Variants in CDH12 observed in about 807,000 individuals in gnomAD.
CDH12 encodes cadherin 12.
Under a neutral mutation model 74.1 loss-of-function variants are expected in CDH12, and 41 were observed. The ratio of observed to expected loss-of-function variants is 0.55; its 90% confidence interval spans 0.43 to 0.72. CDH12 has a LOEUF of 0.72. Among genes scored for constraint, CDH12 ranks in the 30% least tolerant of loss-of-function variants. The pLI, the probability that CDH12 is intolerant of heterozygous loss-of-function variation, is 0.00. For synonymous variants in CDH12, 399 were observed against 355.0 expected (o/e 1.12, Z -1.39); for missense variants, 945 against 977.2 (o/e 0.97, Z 0.44).
intron 5 of CDH12, among the ~76,000 whole-genome samples, chr5:22,074,523 G>T (rs1742172158): frequency 6.6e-6 from 1 of 152,128 alleles, no homozygotes; most frequent in Non-Finnish European, 1.5e-5. Context: ...AGAGTGAACA[G>T]ACAACCTACA....
At chr5:22,363,764 T>C (rs1382115214) in intron 3 of CDH12, among the ~76,000 whole-genome samples, 1 of 152,160 alleles carries the variant, frequency 6.6e-6, no homozygotes, top group Non-Finnish European at 1.5e-5. Flanking sequence ...GACATGATGT[T>C]GTGTCAGACA....
intron 8 of CDH12, among the ~76,000 whole-genome samples, chr5:21,825,836 T>G (rs1478303680): frequency 2.0e-5 from 3 of 152,186 alleles, no homozygotes; most frequent in Non-Finnish European, 4.4e-5. Flanking sequence ...TCCTCCCACC[T>G]TGCAGCTCTC....
intron 5 of CDH12, among the ~76,000 whole-genome samples, chr5:22,029,625 G>C (rs1738667220): frequency 6.6e-6 from 1 of 152,210 alleles, no homozygotes; most frequent in African/African-American, 2.4e-5. Context: ...AGGTGATAGA[G>C]ATGATGTGGA....
intron 5 of CDH12, among the ~76,000 whole-genome samples, chr5:22,046,581 T>G (rs1739975152): frequency 6.6e-6 from 1 of 152,024 alleles, no homozygotes; most frequent in Non-Finnish European, 1.5e-5. Context: ...TAATGCTCTG[T>G]TGTTTTTCTT....
chr5:22,722,591 T>C (rs769103959), intron 1 of CDH12, among the ~76,000 whole-genome samples: 6 of 152,178 alleles, frequency 3.9e-5, no homozygotes, highest in Non-Finnish European at 7.3e-5. Context: ...ACTCACAAGT[T>C]CAAGTGATAT....
chr5:21,869,404 T>C (rs1751500046), intron 6 of CDH12, among the ~76,000 whole-genome samples: 2 of 152,160 alleles, frequency 1.3e-5, no homozygotes, highest in Non-Finnish European at 2.9e-5. Context: ...TAGAAGAAGA[T>C]GTTAATAAAT....
At chr5:22,476,749 A>G (rs1362852653) in intron 2 of CDH12, among the ~76,000 whole-genome samples, 1 of 152,206 alleles carries the variant, frequency 6.6e-6, no homozygotes, top group Non-Finnish European at 1.5e-5. Context: ...GTGTACCAAA[A>G]TTGTATACAG....
chr5:21,884,120 T>C lies in CDH12; in HGVS notation c.527-29330A>G, dbSNP rs539990534. The stretch of plus-strand genomic sequence containing the variant: ...GTTATGATGCTATGGTTGGAGATTT[T>C]ATGAATATGGTAGAAAAAGGAATTA... On this transcript the variant is annotated intron_variant, in intron 6 of 14. Coordinates refer to ENST00000382254, the MANE Select transcript of CDH12 (RefSeq NM_004061.5). 274 of 1,490,138 alleles carry C rather than the reference T, an allele frequency of 1.8e-4. 1 individual carries two copies. In the African/African-American group the frequency reaches 3.0e-3, roughly 16 times the overall value. 92.3% of individuals were successfully genotyped at this position (1,490,138 alleles called of 1,614,324 possible).
intron 5 of CDH12, among the ~76,000 whole-genome samples, chr5:22,074,608 A>C (rs1400041200): frequency 6.6e-6 from 1 of 152,182 alleles, no homozygotes; most frequent in South Asian, 2.1e-4. Flanking sequence ...AACTCAAACA[A>C]ACTTACAAGA....
chr5:22,205,945 G>C (rs929479535), intron 4 of CDH12, among the ~76,000 whole-genome samples: 2 of 151,884 alleles, frequency 1.3e-5, no homozygotes, highest in Admixed American at 6.6e-5. Flanking sequence ...AAATGGTTAT[G>C]TAGAAATCAA....
At chr5:21,907,480 G>A (rs940971738) in intron 6 of CDH12, among the ~76,000 whole-genome samples, 3 of 152,184 alleles carry the variant, frequency 2.0e-5, no homozygotes, top group Non-Finnish European at 4.4e-5. Context: ...TGGGCACAGG[G>A]ATAATCTGTA....
At chr5:21,783,152 T>C (rs139809184) in intron 11 of CDH12, among the ~76,000 whole-genome samples, 15 of 152,226 alleles carry the variant, frequency 9.9e-5, no homozygotes, top group African/African-American at 2.9e-4. Flanking sequence ...TAGATATTCA[T>C]GCAATACTGC....
At chr5:22,332,870 A>G (rs1289201024) in intron 3 of CDH12, among the ~76,000 whole-genome samples, 1 of 152,134 alleles carries the variant, frequency 6.6e-6, no homozygotes, top group Non-Finnish European at 1.5e-5. Context: ...TGTTGGTGGG[A>G]GTGTAAATTA....
chr5:21,978,423 A>G (rs971113663), intron 5 of CDH12, among the ~76,000 whole-genome samples: 10 of 152,180 alleles, frequency 6.6e-5, no homozygotes, highest in Admixed American at 6.6e-4. Flanking sequence ...GATTATCGGC[A>G]TGAGCCACTG....
intron 2 of CDH12, among the ~76,000 whole-genome samples, chr5:22,413,655 G>A (rs1364119696): frequency 6.6e-6 from 1 of 151,958 alleles, no homozygotes; most frequent in African/African-American, 2.4e-5. Context: ...TGGCATATGG[G>A]CTTAAGGCAA....
intron 14 of CDH12, 63 bp downstream of exon 14, chr5:21,755,528 G>A (rs1329517419): frequency 6.9e-7 from 1 of 1,449,206 alleles, no homozygotes; most frequent in Non-Finnish European, 9.5e-7. Context: ...ATGGAGGAGA[G>A]AGAGGGGAAA....
rs573808967 is a variant in CDH12, at chr5:22,431,289, C to T, written c.-427-25938G>A. ...CAATGGATCCATATAAAATGACAGT[C>T]CTATACGTTTATGATGGGGCTGAAA... On this transcript the variant is annotated intron_variant, in intron 2 of 14. Transcript: ENST00000382254. 7.9e-5 allele frequency among the ~76,000 whole-genome samples: 12 copies of T among 152,238 alleles called. No individual in the cohort carries two copies. The South Asian group carries it at 2.5e-3, about 32-fold the overall frequency.
At chr5:22,745,893 A>C (rs551926574) in intron 1 of CDH12, among the ~76,000 whole-genome samples, 24 of 152,274 alleles carry the variant, frequency 1.6e-4, no homozygotes, top group South Asian at 6.2e-4. Flanking sequence ...AAAGGCCTGC[A>C]CGTGTACCCC....
rs1750668412 is a variant in CDH12 at position 22,197,214 on chromosome 5, G to A, written c.-187+15284C>T. 3.3e-5 allele frequency among the ~76,000 whole-genome samples: 5 copies of A among 152,264 alleles called. No homozygotes were observed. The South Asian group carries it at 1.0e-3, about 32-fold the overall frequency. On this transcript the variant is annotated intron_variant, in intron 4 of 14. Transcript: ENST00000382254. ...AATCCCAGCACTTTGGGAGGCCAAA[G>A]GGGGAGGATCATGAGGTCAGGAGAT...
Sources: allele counts gnomAD v4.1 joint callset (sites outside exome capture counted in the v4.1 genomes callset), GRCh38; gene constraint gnomAD v4.1.1; transcripts MANE v1.5; gene names NCBI Gene and HGNC (gene_info 2026-07-23, HGNC 2026-07-21).